The following C1orf198 variants were observed in gnomAD, a reference collection of about 807,000 sequenced individuals.
C1orf198 encodes uncharacterized protein C1orf198.
A neutral mutation model predicts 31.4 loss-of-function variants in C1orf198; 17 were observed. The observed-to-expected ratio is 0.54, with a 90% CI of 0.37 to 0.81. The LOEUF (loss-of-function observed/expected upper bound fraction) is 0.81. Ranked by LOEUF, C1orf198 falls within the 40% of genes least tolerant of loss-of-function variation. The probability of loss-of-function intolerance (pLI) is 0.00; values close to 1 mark genes in which losing one functional copy is unlikely to be tolerated. For missense variants in C1orf198, 401 were observed against 450.3 expected (o/e 0.89, Z 0.99); for synonymous variants, 175 against 193.8 (o/e 0.90, Z 0.81).
intron 2 of C1orf198, among the ~76,000 whole-genome samples, chr1:230,854,487 C>T (rs1669821060): frequency 6.6e-6 from 1 of 152,150 alleles, no homozygotes; most frequent in Non-Finnish European, 1.5e-5. Flanking sequence ...TGCTCTCTCC[C>T]AAGACAGTGC....
intron 1 of C1orf198, 57 bp downstream of exon 1, chr1:230,868,123 C>T (rs1444728528): frequency 7.5e-7 from 1 of 1,331,314 alleles, no homozygotes; most frequent in Non-Finnish European, 9.6e-7. Context: ...CCCACCGGGC[C>T]GGGGCGCCTC....
rs911453500 is a variant in C1orf198, at chr1:230,837,716, A to G, written c.*2136T>C. Reference sequence around the variant, plus strand: ...TCCAAAAGCACAGCAAAGCAATACAACTTGAGGACTCCCTCCAAGATTTCC... The same window carrying G: ...TCCAAAAGCACAGCAAAGCAATACAGCTTGAGGACTCCCTCCAAGATTTCC... On this transcript the variant is annotated 3_prime_UTR_variant, in exon 4 of 4. Transcript: ENST00000366663. The G allele has an allele frequency of 8.5e-5, 13 of 152,168 alleles. 1 individual carries two copies. Among genetic ancestry groups the G allele is most frequent in the African/African-American group, 3.1e-4 (13 of 41,428 alleles). The allele number at this position is 152,168 out of a possible 1,614,324, so 9.4% of individuals were successfully genotyped here.
chr1:230,847,378 T>C (rs1293980283), intron 2 of C1orf198, among the ~76,000 whole-genome samples: 2 of 152,202 alleles, frequency 1.3e-5, no homozygotes, highest in African/African-American at 4.8e-5. Context: ...ATCAGGACTG[T>C]TGTTTCTAAA....
intron 1 of C1orf198, among the ~76,000 whole-genome samples, chr1:230,861,322 G>A (rs1432201573): frequency 6.6e-6 from 1 of 152,154 alleles, no homozygotes; most frequent in African/African-American, 2.4e-5. Context: ...GTCTGTGTGG[G>A]AACTCTCTGT....
At chr1:230,861,005 G>A (rs987255452) in intron 1 of C1orf198, among the ~76,000 whole-genome samples, 1 of 152,180 alleles carries the variant, frequency 6.6e-6, no homozygotes, top group Non-Finnish European at 1.5e-5. Flanking sequence ...CCAGCTATAT[G>A]ATATTCTGGA....
intron 2 of C1orf198, among the ~76,000 whole-genome samples, chr1:230,844,602 G>C (rs1403785721): frequency 6.6e-6 from 1 of 152,172 alleles, no homozygotes; most frequent in Non-Finnish European, 1.5e-5. Context: ...GATGAGTAAG[G>C]GCTCTCTGCC....
At chr1:230,867,525 G>A (rs1305880719) in intron 1 of C1orf198, among the ~76,000 whole-genome samples, 1 of 152,112 alleles carries the variant, frequency 6.6e-6, no homozygotes, top group Admixed American at 6.6e-5. Context: ...GGAAAACAGG[G>A]CCACCATGCT....
chr1:230,858,848 G>A (rs1219672655), intron 1 of C1orf198, among the ~76,000 whole-genome samples: 2 of 152,202 alleles, frequency 1.3e-5, no homozygotes, highest in African/African-American at 2.4e-5. Flanking sequence ...TCTGAGGAAC[G>A]AAGACTTAGC....
In C1orf198 at chr1:230,840,615, C is replaced by T. The variant is rs1344370164; in HGVS notation, c.928-707G>A. On this transcript the variant is annotated intron_variant, in intron 3 of 3. Transcript: ENST00000366663. This position sits in a 1 kb window ranked among gnomAD's most constrained non-coding sequence, Gnocchi z 4.0. ...GCTGCTGTTTTCATAAAACTTCTGA[C>T]TGGCTTCCACTCAGCAGCCTGTTTC... Among the ~76,000 whole-genome samples the T allele has an allele frequency of 6.6e-6, 1 of 152,218 alleles. No homozygotes were observed. Among genetic ancestry groups the T allele is most frequent in the East Asian group, 1.9e-4 (1 of 5,190 alleles).
At chr1:230,868,684 G>A, upstream of C1orf198, 1 of 315,296 alleles carries the variant, frequency 3.2e-6, no homozygotes, top group Non-Finnish European at 4.2e-6. Context: ...CCGGCCCTCC[G>A]TGGCCCCCTC....
intron 1 of C1orf198, among the ~76,000 whole-genome samples, chr1:230,863,424 A>G (rs1284584221): frequency 2.6e-5 from 4 of 152,250 alleles, no homozygotes. Flanking sequence ...GAAGAAATAG[A>G]TATTTTCTCC....
At position 230,868,163 on chromosome 1, in the gene C1orf198, G is replaced by A; in HGVS notation, c.333+17C>T. On this transcript the variant is annotated intron_variant, in intron 1 of 3. Transcript: ENST00000366663. ...CGCCGGGAGGGGAAGAGGGTCCGCGGCCAGGCCCGCACCTACCTCGTCCCC... is the reference window on the plus strand; with the variant it reads ...CGCCGGGAGGGGAAGAGGGTCCGCGACCAGGCCCGCACCTACCTCGTCCCC... The A allele has an allele frequency of 7.0e-7, 1 of 1,434,260 alleles. No homozygotes were observed. The highest frequency in any genetic ancestry group is 1.4e-5 in the South Asian group (1 of 71,406). The allele number at this position is 1,434,260 out of a possible 1,614,324, so 88.8% of individuals were successfully genotyped here. A position where few individuals can be genotyped will look rare whatever the true frequency, so the allele number is the denominator to read the frequency against.
chr1:230,857,044 A>G lies in C1orf198; in HGVS notation c.334-1326T>C, dbSNP rs1004441747. ...CGCAGGGGGAGTGCCTCACCAACAC[A>G]TAAGTGTACACATTCAGCCTTCCAG... On this transcript the variant is annotated intron_variant, in intron 1 of 3. Coordinates refer to ENST00000366663, the MANE Select transcript of C1orf198 (RefSeq NM_032800.3). This position sits in a 1 kb window ranked among gnomAD's most constrained non-coding sequence, Gnocchi z 4.2. 3.9e-5 allele frequency among the ~76,000 whole-genome samples: 6 copies of G among 152,160 alleles called. No individual in the cohort carries two copies. The highest frequency in any genetic ancestry group is 1.4e-4 in the African/African-American group (6 of 41,428).
At chr1:230,868,708 C>T (rs2102997031), upstream of C1orf198, 1 of 219,026 alleles carries the variant, frequency 4.6e-6, no homozygotes, top group African/African-American at 2.4e-5. Context: ...GGGAGCTCCT[C>T]CCTCCGGGCC....
At chr1:230,850,176 A>G (rs576083355) in intron 2 of C1orf198, among the ~76,000 whole-genome samples, 4 of 152,300 alleles carry the variant, frequency 2.6e-5, no homozygotes, top group African/African-American at 9.6e-5. Context: ...CATGATCCCC[A>G]TTTTTCCTCT....
At chr1:230,851,196 G>T (rs1028525714) in intron 2 of C1orf198, among the ~76,000 whole-genome samples, 1 of 152,148 alleles carries the variant, frequency 6.6e-6, no homozygotes, top group Non-Finnish European at 1.5e-5. Flanking sequence ...ATGAAATCAA[G>T]GAACCGATCC....
At chr1:230,848,486 A>T (rs1669649942) in intron 2 of C1orf198, among the ~76,000 whole-genome samples, 1 of 152,182 alleles carries the variant, frequency 6.6e-6, no homozygotes, top group Non-Finnish European at 1.5e-5. Context: ...GTTCAACAGC[A>T]GAGCGGGGTG....
At chr1:230,852,638 C>T (rs1221359270) in intron 2 of C1orf198, among the ~76,000 whole-genome samples, 1 of 152,052 alleles carries the variant, frequency 6.6e-6, no homozygotes, top group Non-Finnish European at 1.5e-5. Context: ...GTACTGAATG[C>T]CACCAGACTA....
chr1:230,867,495 T>C (rs1286285783), intron 1 of C1orf198, among the ~76,000 whole-genome samples: 3 of 152,206 alleles, frequency 2.0e-5, no homozygotes, highest in East Asian at 3.8e-4. Flanking sequence ...TTTAAACTTA[T>C]CGTCCCTTAG....
Sources: gnomAD v4.1 joint callset for allele counts (sites outside exome capture counted in the v4.1 genomes callset) on GRCh38, gnomAD v4.1.1 for gene constraint, Gnocchi (gnomAD v3.1) non-coding constraint, MANE v1.5 for transcripts, NCBI Gene and HGNC (gene_info 2026-07-23, HGNC 2026-07-21) for gene names.